Variants in RALGPS2 observed in about 807,000 individuals in gnomAD.
RALGPS2 encodes Ral GEF with PH domain and SH3 binding motif 2.
A neutral mutation model predicts 86.8 loss-of-function variants in RALGPS2; 43 were observed. That is an observed-to-expected ratio of 0.50 (90% CI 0.39 to 0.64). The LOEUF (loss-of-function observed/expected upper bound fraction) is 0.64. RALGPS2 is among the 30% of genes least tolerant of loss of function. The pLI, the probability that RALGPS2 is intolerant of heterozygous loss-of-function variation, is 0.00. For synonymous variants in RALGPS2, 243 were observed against 231.3 expected, an observed-to-expected ratio of 1.05 and a Z score of -0.46; for missense variants, 536 against 694.6, an observed-to-expected ratio of 0.77 and a Z score of 2.57.
intron 19 of RALGPS2, among the ~76,000 whole-genome samples, chr1:178,911,663 G>T (rs1438243166): frequency 6.6e-6 from 1 of 152,170 alleles, no homozygotes; most frequent in Non-Finnish European, 1.5e-5. Flanking sequence ...TGTGCCTTGT[G>T]CCAATGAAAA....
At chr1:178,818,205 C>A (rs778801195) in intron 6 of RALGPS2, among the ~76,000 whole-genome samples, 1 of 151,996 alleles carries the variant, frequency 6.6e-6, no homozygotes, top group Non-Finnish European at 1.5e-5. Context: ...ACTAAAAATA[C>A]AAAAATTAGC....
chr1:178,754,188 G>T (rs1425044339), intron 1 of RALGPS2, among the ~76,000 whole-genome samples: 1 of 151,196 alleles, frequency 6.6e-6, no homozygotes, highest in African/African-American at 2.4e-5. Context: ...AGTGTATTAG[G>T]GTTCTCCAGA....
intron 1 of RALGPS2, chr1:178,746,978 T>A (rs988854322): frequency 1.0e-6 from 1 of 975,902 alleles, no homozygotes; most frequent in African/African-American, 1.6e-5. Context: ...GAAAGTTCTT[T>A]CCATCGTTTC....
chr1:178,815,728 C>A (rs1395627400), intron 6 of RALGPS2, among the ~76,000 whole-genome samples: 1 of 152,162 alleles, frequency 6.6e-6, no homozygotes, highest in East Asian at 1.9e-4. Flanking sequence ...CATGTTGCAA[C>A]AAAGTTCCTT....
intron 8 of RALGPS2, among the ~76,000 whole-genome samples, chr1:178,856,394 ATTTTTTTTTTTTTTTTTTT>A (rs71108081): frequency 1.4e-4 from 5 of 36,432 alleles, no homozygotes; most frequent in African/African-American, 7.3e-4. Context: ...TGCCTGGCTA[ATTTTTTTTTTTTTTTTTTT>A]TTTTTTTTTT....
At chr1:178,883,402 C>A in intron 10 of RALGPS2, 64 bp from the exon 11 acceptor site, 1 of 1,295,478 alleles carries the variant, frequency 7.7e-7, no homozygotes, top group Non-Finnish European at 1.1e-6. Flanking sequence ...AAATACACAA[C>A]TTTAATCTTA....
chr1:178,851,159 T>G, intron 8 of RALGPS2: 1 of 1,613,672 alleles, frequency 6.2e-7, no homozygotes, highest in Non-Finnish European at 8.5e-7. Context: ...TCATCTGAAC[T>G]GCTCTTAAGG....
chr1:178,788,837 CTTTCTTTCTTTTCTTTTCTTTTCT>C (rs1426849549), intron 4 of RALGPS2, among the ~76,000 whole-genome samples: 3 of 123,140 alleles, frequency 2.4e-5, no homozygotes, highest in African/African-American at 3.6e-5. Context: ...TGTTTTCTTT[CTTTCTTTCTTTTCTTTTCTTTTCT>C]TTTCTTTTCT....
chr1:178,812,170 T>C (rs1042700063), intron 6 of RALGPS2, among the ~76,000 whole-genome samples: 1 of 152,058 alleles, frequency 6.6e-6, no homozygotes, highest in East Asian at 1.9e-4. Flanking sequence ...TGCTTAAATA[T>C]CTTCTTCACT....
chr1:178,730,527 A>G (rs1417264122), intron 1 of RALGPS2, among the ~76,000 whole-genome samples: 1 of 151,108 alleles, frequency 6.6e-6, no homozygotes, highest in Non-Finnish European at 1.5e-5. Flanking sequence ...TTTTTCTACA[A>G]ACTGTCCCAA....
chr1:178,825,000 T>C (rs999021534), intron 7 of RALGPS2, among the ~76,000 whole-genome samples: 2 of 151,988 alleles, frequency 1.3e-5, no homozygotes, highest in Non-Finnish European at 2.9e-5. Flanking sequence ...TGTTGGAGAT[T>C]TGAAGAAAGA....
At chr1:178,877,445 T>C in intron 8 of RALGPS2, 53 bp from the exon 9 acceptor site, 1 of 1,602,078 alleles carries the variant, frequency 6.2e-7, no homozygotes, top group Non-Finnish European at 8.5e-7. Context: ...TTCTTTGTCA[T>C]AGTCTCCCAA....
intron 1 of RALGPS2, among the ~76,000 whole-genome samples, chr1:178,760,501 C>T (rs1407424246): frequency 6.6e-6 from 1 of 152,144 alleles, no homozygotes; most frequent in African/African-American, 2.4e-5. Flanking sequence ...ATAGCAACCC[C>T]TGCTCTTTTT....
In RALGPS2 at chr1:178,746,659, C is replaced by T; in HGVS notation, c.-84+21240C>T. The T allele has an allele frequency of 5.2e-6, 4 of 769,190 alleles. No individual in the cohort carries two copies. In the South Asian group the frequency reaches 5.4e-5, roughly 10 times the overall value. The allele number at this position is 769,190 out of a possible 1,614,324, so 47.6% of individuals were successfully genotyped here. A position where few individuals can be genotyped will look rare whatever the true frequency, so the allele number is the denominator to read the frequency against. On this transcript the variant is annotated intron_variant, in intron 1 of 19. Coordinates refer to ENST00000367635, the MANE Select transcript of RALGPS2 (RefSeq NM_152663.5). ...ATCAATGGTTCCAAATTTATAGCTG[C>T]AGAATATTCTCAAGTCATGAATATT...
chr1:178,849,714 G>T (rs1373627615), intron 8 of RALGPS2: 1 of 152,168 alleles, frequency 6.6e-6, no homozygotes, highest in Non-Finnish European at 1.5e-5. Context: ...ATGAGGTTTG[G>T]ATATTTTGTT....
chr1:178,861,100 T>A (rs1657976904), intron 8 of RALGPS2, among the ~76,000 whole-genome samples: 1 of 152,208 alleles, frequency 6.6e-6, no homozygotes, highest in Admixed American at 6.5e-5. Context: ...GGCAGTGACT[T>A]ACCCAAGGTC....
intron 1 of RALGPS2, among the ~76,000 whole-genome samples, chr1:178,770,603 A>G (rs1652752730): frequency 7.0e-6 from 1 of 142,300 alleles, no homozygotes. Context: ...TAGCCTCCCG[A>G]GTAGCTGGTA....
At chr1:178,731,060 G>C (rs1474026561) in intron 1 of RALGPS2, among the ~76,000 whole-genome samples, 3 of 152,008 alleles carry the variant, frequency 2.0e-5, no homozygotes, top group Non-Finnish European at 2.9e-5. Flanking sequence ...CCGCTTTCTT[G>C]ATTTACTCCT....
intron 17 of RALGPS2, among the ~76,000 whole-genome samples, chr1:178,898,551 G>A (rs1266055963): frequency 6.6e-6 from 1 of 151,946 alleles, no homozygotes; most frequent in African/African-American, 2.4e-5. Flanking sequence ...AATGTGGGAA[G>A]TACCGTAAGA....
Sources: gnomAD v4.1 joint callset for allele counts (sites outside exome capture counted in the v4.1 genomes callset) on GRCh38, gnomAD v4.1.1 for gene constraint, MANE v1.5 for transcripts, NCBI Gene and HGNC (gene_info 2026-07-23, HGNC 2026-07-21) for gene names.